The following HLF variants were observed in gnomAD, a reference collection of about 807,000 sequenced individuals.
HLF encodes the protein hepatic leukemia factor.
A neutral mutation model predicts 22.6 loss-of-function variants in HLF; 3 were observed. That is an observed-to-expected ratio of 0.13 (90% CI 0.06 to 0.34). The LOEUF (loss-of-function observed/expected upper bound fraction) is 0.34, where lower values mean the gene tolerates loss of function less well. HLF is among the 10% of genes least tolerant of loss of function. The pLI, the probability that HLF is intolerant of heterozygous loss-of-function variation, is 1.00. For synonymous variants in HLF, 151 were observed against 151.8 expected, an observed-to-expected ratio of 0.99 and a Z score of 0.04; for missense variants, 299 against 389.2, an observed-to-expected ratio of 0.77 and a Z score of 1.95.
intron 2 of HLF, among the ~76,000 whole-genome samples, chr17:55,300,920 CT>C (rs944480775): frequency 2.0e-5 from 3 of 152,224 alleles, no homozygotes; most frequent in African/African-American, 4.8e-5. Context: ...TGTCTCAATG[CT>C]TACCACTCTT....
chr17:55,291,263 T>C (rs1469008559), intron 2 of HLF, among the ~76,000 whole-genome samples: 2 of 152,236 alleles, frequency 1.3e-5, no homozygotes, highest in Admixed American at 1.3e-4. Flanking sequence ...GAAGACACCA[T>C]GTAAAAGTTA....
intron 2 of HLF, among the ~76,000 whole-genome samples, chr17:55,279,621 T>A (rs1233166704): frequency 6.6e-6 from 1 of 152,076 alleles, no homozygotes; most frequent in Non-Finnish European, 1.5e-5. Context: ...ACCAAACAGA[T>A]TAATTATGCA....
In HLF at chr17:55,320,749, T is replaced by A; in HGVS notation, c.758T>A (p.Ile253Asn). 6.2e-7 allele frequency: 1 copy of A among 1,614,112 alleles called. No homozygotes were observed. The highest frequency in any genetic ancestry group is 8.5e-7 in the Non-Finnish European group (1 of 1,179,996). Residue 253 changes from isoleucine (I) to asparagine (N), a missense_variant, in exon 4 of 4, where the codon ATC (isoleucine) becomes AAC (asparagine). Physicochemically the swap from Ile to Asn is moderately radical, Grantham distance 149. Coordinates refer to ENST00000226067, the MANE Select transcript of HLF (RefSeq NM_002126.5). This position sits in a 1 kb window ranked among gnomAD's most constrained non-coding sequence, Gnocchi z 4.2. Reference sequence around the variant, plus strand: ...GCCCGGAGGCTGAAAGAGAACCAGATCGCCATCCGGGCCTCGTTCCTGGAG... The same window carrying A: ...GCCCGGAGGCTGAAAGAGAACCAGAACGCCATCCGGGCCTCGTTCCTGGAG... Reference protein sequence around the residue: ...RDARRLKENQIAIRASFLEKE... With the variant: ...RDARRLKENQNAIRASFLEKE...
Position 55,321,827 on chromosome 17 carries a change from T to C in HLF, c.*948T>C, listed in dbSNP as rs2145381754. 4.3e-6 allele frequency: 1 copy of C among 232,434 alleles called. No individual in the cohort carries two copies. Among genetic ancestry groups the C allele is most frequent in the South Asian group, 1.8e-4 (1 of 5,516 alleles). The allele number at this position is 232,434 out of a possible 1,614,324, so 14.4% of individuals were successfully genotyped here. A position where few individuals can be genotyped will look rare whatever the true frequency, so the allele number is the denominator to read the frequency against. ...CATGAGCCAAAAACTGCGTCTTGGA[T>C]TAGCCTTTGACATTGATGTGTTCGG... is the stretch of plus-strand genomic sequence containing the variant. On this transcript the variant is annotated 3_prime_UTR_variant, in exon 4 of 4. Transcript: ENST00000226067.
intron 2 of HLF, among the ~76,000 whole-genome samples, chr17:55,287,078 G>T (rs1293983096): frequency 2.0e-5 from 3 of 152,196 alleles, no homozygotes; most frequent in African/African-American, 7.2e-5. Flanking sequence ...CTCAATCAGG[G>T]GGGAGGCAGG....
At chr17:55,297,675 C>T (rs972404661) in intron 2 of HLF, among the ~76,000 whole-genome samples, 1 of 151,380 alleles carries the variant, frequency 6.6e-6, no homozygotes, top group African/African-American at 2.4e-5. Context: ...GTGAGAGTCA[C>T]CTACCCTCAC....
chr17:55,275,047 T>G (rs918357039), intron 2 of HLF, among the ~76,000 whole-genome samples: 5 of 152,238 alleles, frequency 3.3e-5, no homozygotes, highest in African/African-American at 1.2e-4. Flanking sequence ...TTACTCATTC[T>G]TCCTGGCTCA....
chr17:55,267,948 GA>G lies in HLF; in HGVS notation c.314del (p.Asp105AlafsTer101). On this transcript the variant is annotated frameshift_variant, in exon 2 of 4. Coordinates refer to ENST00000226067, the MANE Select transcript of HLF (RefSeq NM_002126.5). LOFTEE classifies it high-confidence loss of function. ...NGIPPSPSQH[D>X]HSPHPPGLQP... ...CATTCCCCCCAGCCCATCTCAGCAT[GA>G]CCACAGCCCTCACCCTCCTGGGCTG... 1 of 1,614,074 alleles carries G rather than the reference GA, an allele frequency of 6.2e-7. No homozygotes were observed.
chr17:55,265,208 AG>A lies in HLF; in HGVS notation c.-275del. 3.1e-6 allele frequency: 1 copy of A among 324,162 alleles called. No individual in the cohort carries two copies. Among genetic ancestry groups the A allele is most frequent in the Non-Finnish European group, 5.5e-6 (1 of 180,948 alleles). The allele number at this position is 324,162 out of a possible 1,614,324, so 20.1% of individuals were successfully genotyped here. On this transcript the variant is annotated 5_prime_UTR_variant, in exon 1 of 4. Transcript: ENST00000226067. The stretch of plus-strand genomic sequence containing the variant: ...TTTTGCAAAACGAGGGGTTCGAGGC[AG>A]GTGAGAGCATCCTGCACGTCGCCGG...
At chr17:55,270,015 A>T (rs1317731867) in intron 2 of HLF, among the ~76,000 whole-genome samples, 1 of 152,174 alleles carries the variant, frequency 6.6e-6, no homozygotes, top group Non-Finnish European at 1.5e-5. Context: ...AGAGTCAAAA[A>T]TTGGGGTTTT....
At chr17:55,265,855 C>CT in intron 1 of HLF, 1 of 1,251,326 alleles carries the variant, frequency 8.0e-7, no homozygotes, top group Non-Finnish European at 1.0e-6. Context: ...GGTCCCGCTC[C>CT]TGCGGCGCGG....
intron 2 of HLF, among the ~76,000 whole-genome samples, chr17:55,284,250 AC>A (rs1418682880): frequency 6.6e-6 from 1 of 152,186 alleles, no homozygotes; most frequent in African/African-American, 2.4e-5. Flanking sequence ...TTGAGCACTT[AC>A]TGTGTGCTCC....
At chr17:55,266,944 A>C (rs2080797771) in intron 1 of HLF, 1 of 243,466 alleles carries the variant, frequency 4.1e-6, no homozygotes, top group African/African-American at 2.3e-5. Context: ...TTGTAAATGC[A>C]TACTCTTTGT....
At position 55,265,141 on chromosome 17, in the gene HLF, C is replaced by G. The variant is rs1471718309; in HGVS notation, c.-344C>G. On this transcript the variant is annotated 5_prime_UTR_variant, in exon 1 of 4. Transcript: ENST00000226067. ...CGCGGTGTCTTCTGCCCTTCTGCAG[C>G]CGTCGACATTTTTTTTTCTTTCTTT... 1 of 215,854 alleles carries G rather than the reference C, an allele frequency of 4.6e-6. No homozygotes were observed. Among genetic ancestry groups the G allele is most frequent in the African/African-American group, 2.3e-5 (1 of 43,812 alleles). 13.4% of individuals were successfully genotyped at this position (215,854 alleles called of 1,614,324 possible).
chr17:55,307,614 CT>C, intron 2 of HLF, among the ~76,000 whole-genome samples: 1 of 152,076 alleles, frequency 6.6e-6, no homozygotes, highest in East Asian at 1.9e-4. Context: ...AAATTTGCCC[CT>C]GTTCCTCCCA....
rs761427708 is a variant in HLF, at chr17:55,267,808, C to T, written c.173C>T (p.Thr58Met). ...CTGGATGATGAGAGTAACAGCCCGA[C>T]GGTCCCCCAGTCGGCATTCCTGGGG... ...KKLDDESNSP[T>M]VPQSAFLGPT... The change falls in exon 2 of 4, where the codon ACG (threonine) becomes ATG (methionine). Residue 58 changes from threonine to methionine, a missense_variant. Around this residue, in one of 3 missense-constraint regions of HLF, gnomAD observed 72 missense variants for 74.0 expected, o/e 0.97. Transcript: ENST00000226067. 4.3e-6 allele frequency: 7 copies of T among 1,610,798 alleles called. No individual in the cohort carries two copies. The highest frequency in any genetic ancestry group is 1.7e-5 in the Admixed American group (1 of 59,938).
intron 2 of HLF, among the ~76,000 whole-genome samples, chr17:55,280,450 C>A (rs1393595660): frequency 6.6e-6 from 1 of 152,240 alleles, no homozygotes; most frequent in Non-Finnish European, 1.5e-5. Flanking sequence ...TGTCTTCCAT[C>A]TCCATATGCC....
At chr17:55,290,280 C>T (rs11079158) in intron 2 of HLF, among the ~76,000 whole-genome samples, 35,876 of 152,052 alleles carry the variant, frequency 0.24, 4,470 homozygotes, top group African/African-American at 0.29. Context: ...TATCGGACTT[C>T]ACCATATTAC....
intron 1 of HLF, among the ~76,000 whole-genome samples, chr17:55,266,477 G>A (rs1180477577): frequency 6.6e-6 from 1 of 152,228 alleles, no homozygotes; most frequent in Non-Finnish European, 1.5e-5. Context: ...GGCTCACAGT[G>A]TAAAGTTCTG....
Sources: gnomAD v4.1 joint callset for allele counts (sites outside exome capture counted in the v4.1 genomes callset) on GRCh38, gnomAD v4.1.1 for gene constraint, gnomAD v4.1.1 regional missense constraint, Gnocchi (gnomAD v3.1) non-coding constraint, MANE v1.5 for transcripts, NCBI Gene and HGNC (gene_info 2026-07-23, HGNC 2026-07-21) for gene names.